SLC16A12: variants seen among roughly 807,000 people sequenced by gnomAD.
The protein encoded by SLC16A12 is monocarboxylate transporter 12.
In SLC16A12, 17 loss-of-function variants were observed where a neutral mutation model predicts 42.4. The observed-to-expected ratio is 0.40, with a 90% CI of 0.27 to 0.60. The LOEUF is 0.60. Ranked by LOEUF, SLC16A12 falls within the 20% of genes least tolerant of loss-of-function variation. The probability of loss-of-function intolerance (pLI) is 0.42; values close to 1 mark genes in which losing one functional copy is unlikely to be tolerated. For missense variants in SLC16A12, 544 were observed against 623.0 expected (o/e 0.87, Z 1.35); for synonymous variants, 224 against 229.4 (o/e 0.98, Z 0.21).
chr10:89,528,007 T>C (rs1843483366), intron 2 of SLC16A12, among the ~76,000 whole-genome samples: 1 of 152,170 alleles, frequency 6.6e-6, no homozygotes, highest in Non-Finnish European at 1.5e-5. Flanking sequence ...AACTCCTATC[T>C]TTCTTACGTA....
intron 3 of SLC16A12, among the ~76,000 whole-genome samples, chr10:89,458,072 T>C (rs1369912944): frequency 1.3e-5 from 2 of 152,212 alleles, no homozygotes; most frequent in Non-Finnish European, 2.9e-5. Context: ...ACATAGATGT[T>C]CTTTTTCAGA....
rs144553507 is a variant in SLC16A12, at chr10:89,523,774, C to T, written c.-47+10727G>A. Among the ~76,000 whole-genome samples the T allele has an allele frequency of 1.9e-3, 285 of 152,314 alleles. 1 individual carries two copies. Among genetic ancestry groups the T allele is most frequent in the South Asian group, 5.2e-3 (25 of 4,824 alleles). ...TCACAGTGCAGACACACTACACAGG[C>T]ATATAAATGACCCCATCCAAAGTTG... On this transcript the variant is annotated intron_variant, in intron 2 of 7. Coordinates refer to ENST00000371790, the MANE Select transcript of SLC16A12 (RefSeq NM_213606.4).
intron 7 of SLC16A12, among the ~76,000 whole-genome samples, chr10:89,434,192 T>C (rs1362447333): frequency 6.6e-6 from 1 of 152,228 alleles, no homozygotes; most frequent in African/African-American, 2.4e-5. Flanking sequence ...ATATTTTAGT[T>C]ATTGTTTGAT....
At position 89,439,159 on chromosome 10, in the gene SLC16A12, G is replaced by C. The variant is rs754967348; in HGVS notation, c.473C>G (p.Ser158Cys). 6 of 1,614,178 alleles carry C rather than the reference G, an allele frequency of 3.7e-6. No homozygotes were observed. The highest frequency in any genetic ancestry group is 5.1e-6 in the Non-Finnish European group (6 of 1,180,020). The change falls in exon 6 of 8, where the codon TCT becomes TGT. Residue 158 changes from serine to cysteine, a missense_variant. Transcript: ENST00000371790. ...CTTGCCAACCATGGCAATAGCTGGA[G>C]AGTAACAAAGTGCAAATCCAAGACC... ...LTGLGFALCY[S>C]PAIAMVGKYF...
At chr10:89,443,547 C>T (rs1038405464) in intron 4 of SLC16A12, among the ~76,000 whole-genome samples, 2 of 152,238 alleles carry the variant, frequency 1.3e-5, no homozygotes, top group African/African-American at 4.8e-5. Context: ...TTCTACCTGA[C>T]ATCAGCCAAG....
At chr10:89,486,648 AAAGAAAGAAAG>A (rs1842754654) in intron 2 of SLC16A12, among the ~76,000 whole-genome samples, 2 of 118,672 alleles carry the variant, frequency 1.7e-5, no homozygotes, top group South Asian at 2.4e-4. Context: ...AGAAAGAAAG[AAAGAAAGAAAG>A]AAAGAAAAGA....
At chr10:89,551,974 C>T (rs372552253) in intron 2 of SLC16A12, among the ~76,000 whole-genome samples, 3 of 152,144 alleles carry the variant, frequency 2.0e-5, no homozygotes, top group Non-Finnish European at 2.9e-5. Flanking sequence ...CTCGCCCTGT[C>T]GTCCAGGCTG....
intron 3 of SLC16A12, among the ~76,000 whole-genome samples, chr10:89,448,397 A>T (rs1589666923): frequency 1.3e-5 from 2 of 151,986 alleles, no homozygotes; most frequent in South Asian, 4.2e-4. Context: ...CCATCAAAAA[A>T]CTTATCCACC....
chr10:89,479,650 A>C (rs1842633492), intron 2 of SLC16A12, among the ~76,000 whole-genome samples: 1 of 152,148 alleles, frequency 6.6e-6, no homozygotes, highest in South Asian at 2.1e-4. Context: ...CTCCTACCCC[A>C]CGGAGTTGTT....
At chr10:89,537,165 T>TG (rs68112576), upstream of SLC16A12, among the ~76,000 whole-genome samples, 6 of 144,984 alleles carry the variant, frequency 4.1e-5, no homozygotes, top group Non-Finnish European at 7.5e-5. Context: ...TTTTTTTTTT[T>TG]GGGAAGGAGT....
At chr10:89,548,515 TA>T (rs565213606) in intron 2 of SLC16A12, among the ~76,000 whole-genome samples, 4 of 146,042 alleles carry the variant, frequency 2.7e-5, no homozygotes, top group East Asian at 4.0e-4. Context: ...GTAGGAGAAA[TA>T]AAAAAAAAAC....
chr10:89,554,788 G>A (rs1305989367), intron 2 of SLC16A12, among the ~76,000 whole-genome samples: 4 of 152,184 alleles, frequency 2.6e-5, no homozygotes, highest in Non-Finnish European at 5.9e-5. Context: ...GCAGGCCCCA[G>A]CTGGCCTACT....
rs540968990 is a variant in SLC16A12 at position 89,432,933 on chromosome 10, G to A, written c.*131C>T. On this transcript the variant is annotated 3_prime_UTR_variant, in exon 8 of 8. Transcript: ENST00000371790. ...TGTTTTCCCTTATAAATATTAATAT[G>A]TTAACAAAACAATAATAATAATTTC... is the stretch of plus-strand genomic sequence containing the variant. The A allele has an allele frequency of 8.0e-7, 1 of 1,248,414 alleles. No homozygotes were observed. Among genetic ancestry groups the A allele is most frequent in the South Asian group, 1.5e-5 (1 of 66,678 alleles). 77.3% of individuals were successfully genotyped at this position (1,248,414 alleles called of 1,614,324 possible).
At chr10:89,458,218 A>T (rs542900368) in intron 3 of SLC16A12, among the ~76,000 whole-genome samples, 2 of 152,300 alleles carry the variant, frequency 1.3e-5, no homozygotes, top group South Asian at 4.1e-4. Flanking sequence ...CGCCAATTGA[A>T]TCCAATATGC....
intron 2 of SLC16A12, among the ~76,000 whole-genome samples, chr10:89,489,010 G>C (rs557476071): frequency 6.6e-6 from 1 of 152,168 alleles, no homozygotes; most frequent in Non-Finnish European, 1.5e-5. Context: ...TTTTGTACTT[G>C]TACATTTTAC....
chr10:89,532,822 A>T (rs1397927985), intron 2 of SLC16A12, among the ~76,000 whole-genome samples: 3 of 152,256 alleles, frequency 2.0e-5, no homozygotes, highest in African/African-American at 7.2e-5. Flanking sequence ...GTCTATGAAT[A>T]TGGAGGAAAG....
intron 3 of SLC16A12, among the ~76,000 whole-genome samples, chr10:89,452,269 G>A (rs1842106793): frequency 6.6e-6 from 1 of 152,186 alleles, no homozygotes; most frequent in African/African-American, 2.4e-5. Context: ...AGTTAGTTTT[G>A]TGCAGGGTTT....
intron 2 of SLC16A12, among the ~76,000 whole-genome samples, chr10:89,489,896 A>T (rs1215804838): frequency 6.6e-6 from 1 of 152,204 alleles, no homozygotes; most frequent in African/African-American, 2.4e-5. Context: ...TCCTTTGAGG[A>T]TCAAAAAAGT....
At chr10:89,454,132 C>A (rs1276682298) in intron 3 of SLC16A12, among the ~76,000 whole-genome samples, 2 of 151,950 alleles carry the variant, frequency 1.3e-5, no homozygotes, top group African/African-American at 2.4e-5. Flanking sequence ...GATTCGCCTA[C>A]CCCCTACCTC....
Sources: allele counts gnomAD v4.1 joint callset (sites outside exome capture counted in the v4.1 genomes callset), GRCh38; gene constraint gnomAD v4.1.1; transcripts MANE v1.5; gene names NCBI Gene and HGNC (gene_info 2026-07-23, HGNC 2026-07-21).